Variants in ZSCAN5A observed in about 807,000 individuals in gnomAD.
ZSCAN5A encodes zinc finger and SCAN domain containing 5A, also known as zinc finger and SCAN domain-containing protein 5A.
A neutral mutation model predicts 23.7 loss-of-function variants in ZSCAN5A; 12 were observed. The ratio of observed to expected loss-of-function variants is 0.51; its 90% confidence interval spans 0.32 to 0.82. The LOEUF is 0.82. ZSCAN5A is among the 40% of genes least tolerant of loss of function. The pLI is 0.03. For synonymous variants in ZSCAN5A, 257 were observed against 239.9 expected (o/e 1.07, Z -0.66); for missense variants, 597 against 617.9 (o/e 0.97, Z 0.36).
At chr19:56,331,846 A>C (rs1375528743) in intron 2 of ZSCAN5A, among the ~76,000 whole-genome samples, 1 of 151,954 alleles carries the variant, frequency 6.6e-6, no homozygotes, top group African/African-American at 2.4e-5. Context: ...TCGGCCTCCC[A>C]AAGTGCTGGG....
At chr19:56,301,517 G>T (rs6509988) in intron 2 of ZSCAN5A, among the ~76,000 whole-genome samples, 3 of 152,028 alleles carry the variant, frequency 2.0e-5, no homozygotes, top group African/African-American at 7.2e-5. Flanking sequence ...CTTCTTTACC[G>T]CAACCTGTTT....
chr19:56,303,650 GAGA>G (rs962339809), intron 2 of ZSCAN5A, among the ~76,000 whole-genome samples: 1 of 152,088 alleles, frequency 6.6e-6, no homozygotes, highest in African/African-American at 2.4e-5. Context: ...TGGGGACTCA[GAGA>G]AGAACGGAAC....
chr19:56,284,048 C>A, intron 2 of ZSCAN5A: 1 of 320,196 alleles, frequency 3.1e-6, no homozygotes, highest in Non-Finnish European at 4.5e-6. Flanking sequence ...GTGGATTCTA[C>A]TTCCCAATCT....
chr19:56,336,540 T>C (rs1348684138), intron 2 of ZSCAN5A, among the ~76,000 whole-genome samples: 1 of 152,208 alleles, frequency 6.6e-6, no homozygotes, highest in African/African-American at 2.4e-5. Flanking sequence ...CTTCCTCCTT[T>C]AGCTTGGAGT....
intron 2 of ZSCAN5A, among the ~76,000 whole-genome samples, chr19:56,239,239 A>T (rs1286769454): frequency 5.9e-5 from 9 of 152,248 alleles, no homozygotes; most frequent in Admixed American, 5.9e-4. Context: ...AATGTATGTT[A>T]AGTGTTAGAT....
intron 1 of ZSCAN5A, chr19:56,365,016 A>G (rs191391137): frequency 1.3e-5 from 2 of 152,372 alleles, no homozygotes; most frequent in Admixed American, 1.3e-4. Flanking sequence ...AGATAGGTAC[A>G]TGATACTTCA....
intron 2 of ZSCAN5A, among the ~76,000 whole-genome samples, chr19:56,358,987 G>A (rs1390696679): frequency 1.3e-5 from 2 of 151,832 alleles, no homozygotes; most frequent in Non-Finnish European, 2.9e-5. Context: ...GATCTCAAAT[G>A]GACACCCTAA....
At chr19:56,274,847 G>C (rs2038132271) in intron 2 of ZSCAN5A, 1 of 151,914 alleles carries the variant, frequency 6.6e-6, no homozygotes, top group Admixed American at 6.6e-5. Flanking sequence ...CATCTCCTTT[G>C]GTCTTGTGAT....
intron 2 of ZSCAN5A, among the ~76,000 whole-genome samples, chr19:56,246,031 G>C (rs972919729): frequency 2.6e-5 from 4 of 152,142 alleles, no homozygotes; most frequent in African/African-American, 9.7e-5. Flanking sequence ...TCAGGGGCAG[G>C]GAGACGTTGG....
chr19:56,299,532 G>T (rs961538252), intron 2 of ZSCAN5A, among the ~76,000 whole-genome samples: 1 of 151,994 alleles, frequency 6.6e-6, no homozygotes. Context: ...CAAAGAACAA[G>T]CTGTTTAAGG....
At chr19:56,296,690 T>G (rs763761465) in intron 2 of ZSCAN5A, among the ~76,000 whole-genome samples, 2 of 152,166 alleles carry the variant, frequency 1.3e-5, no homozygotes, top group African/African-American at 2.4e-5. Flanking sequence ...AAGGCTATTA[T>G]GTCCTATGGA....
intron 2 of ZSCAN5A, among the ~76,000 whole-genome samples, chr19:56,294,571 T>C (rs2039734404): frequency 6.6e-6 from 1 of 152,220 alleles, no homozygotes; most frequent in Non-Finnish European, 1.5e-5. Context: ...TGCCACTCAC[T>C]ACTCAATGCT....
At chr19:56,356,876 C>T (rs1413491234) in intron 2 of ZSCAN5A, among the ~76,000 whole-genome samples, 10 of 148,510 alleles carry the variant, frequency 6.7e-5, no homozygotes, top group Non-Finnish European at 1.0e-4. Flanking sequence ...TGGACCTGCA[C>T]TATGATTCCT....
In ZSCAN5A at chr19:56,282,479, G is replaced by A. The variant is rs931885582; in HGVS notation, c.-128+30804C>T. On this transcript the variant is annotated intron_variant, in intron 2 of 5. Transcript: ENST00000683990. ...ATCGGTCCTGTCCTTCCTGCTGCTT[G>A]TCTGCCAACAGTGCTGAAAGGTAAG... 1.6e-5 allele frequency: 16 copies of A among 985,178 alleles called. No individual in the cohort carries two copies. In the African/African-American group the frequency reaches 2.4e-4, roughly 15 times the overall value. The allele number at this position is 985,178 out of a possible 1,614,324, so 61.0% of individuals were successfully genotyped here. A position where few individuals can be genotyped will look rare whatever the true frequency, so the allele number is the denominator to read the frequency against.
At chr19:56,329,689 CAT>C (rs975024727) in intron 2 of ZSCAN5A, among the ~76,000 whole-genome samples, 16 of 151,808 alleles carry the variant, frequency 1.1e-4, no homozygotes, top group African/African-American at 3.1e-4. Context: ...ATTTAAAAAA[CAT>C]AAAAAAAAAG....
chr19:56,239,366 A>C (rs1412564838), intron 2 of ZSCAN5A, among the ~76,000 whole-genome samples: 2 of 151,554 alleles, frequency 1.3e-5, no homozygotes, highest in African/African-American at 4.8e-5. Context: ...TCTAATCATG[A>C]CACTCAGTTT....
At chr19:56,247,136 G>A (rs781213161) in intron 2 of ZSCAN5A, 16 of 666,244 alleles carry the variant, frequency 2.4e-5, no homozygotes, top group South Asian at 5.3e-5. Context: ...ACAGGAGAGA[G>A]ACCCTTTCAA....
intron 2 of ZSCAN5A, among the ~76,000 whole-genome samples, chr19:56,327,119 A>C (rs1019694669): frequency 6.6e-6 from 1 of 151,724 alleles, no homozygotes; most frequent in African/African-American, 2.4e-5. Context: ...GATTTACTAC[A>C]TTCGTCATGC....
At chr19:56,368,152 AC>A (rs1466709195) in intron 1 of ZSCAN5A, 2 of 152,338 alleles carry the variant, frequency 1.3e-5, no homozygotes, top group Non-Finnish European at 2.9e-5. Context: ...CACCAGCGGA[AC>A]CCTCTCCACC....
Sources: allele counts gnomAD v4.1 joint callset (sites outside exome capture counted in the v4.1 genomes callset), GRCh38; gene constraint gnomAD v4.1.1; transcripts MANE v1.5; gene names NCBI Gene and HGNC (gene_info 2026-07-23, HGNC 2026-07-21).